Variants in PPP1R9A observed in about 807,000 individuals in gnomAD.
PPP1R9A encodes the protein protein phosphatase 1 regulatory subunit 9A, also known as neurabin-1.
Under a neutral mutation model 141.9 loss-of-function variants are expected in PPP1R9A, and 59 were observed. That is an observed-to-expected ratio of 0.42 (90% CI 0.34 to 0.52). The LOEUF is 0.52. Ranked by LOEUF, PPP1R9A falls within the 20% of genes least tolerant of loss-of-function variation. The probability of loss-of-function intolerance (pLI) is 0.10; values close to 1 mark genes in which losing one functional copy is unlikely to be tolerated. For synonymous variants in PPP1R9A, 500 were observed against 569.7 expected, an observed-to-expected ratio of 0.88 and a Z score of 1.74; for missense variants, 1,444 against 1,611.9, an observed-to-expected ratio of 0.90 and a Z score of 1.78.
intron 2 of PPP1R9A, among the ~76,000 whole-genome samples, chr7:94,986,341 T>C (rs990140933): frequency 1.3e-5 from 2 of 152,140 alleles, no homozygotes; most frequent in Non-Finnish European, 2.9e-5. Context: ...CATGCTTCTC[T>C]GCAACATGGA....
intron 2 of PPP1R9A, among the ~76,000 whole-genome samples, chr7:94,930,886 A>G (rs1350486112): frequency 6.6e-6 from 1 of 152,226 alleles, no homozygotes; most frequent in Non-Finnish European, 1.5e-5. Flanking sequence ...GCACAAGGTC[A>G]TGGCAGATTT....
At chr7:95,091,674 G>A (rs1275381451) in intron 2 of PPP1R9A, among the ~76,000 whole-genome samples, 6 of 151,864 alleles carry the variant, frequency 4.0e-5, no homozygotes, top group Middle Eastern at 3.4e-3. Flanking sequence ...AATTACTTAT[G>A]TAATTTAATT....
chr7:95,288,384 A>AT lies in PPP1R9A; in HGVS notation c.3730-146dup, dbSNP rs1054937425. 5 of 1,138,216 alleles carry AT rather than the reference A, an allele frequency of 4.4e-6. No homozygotes were observed. In the African/African-American group the frequency reaches 6.2e-5, roughly 14 times the overall value. 70.5% of individuals were successfully genotyped at this position (1,138,216 alleles called of 1,614,324 possible). A position where few individuals can be genotyped will look rare whatever the true frequency, so the allele number is the denominator to read the frequency against. On this transcript the variant is annotated intron_variant, in intron 18 of 19. Coordinates refer to ENST00000433360, the MANE Select transcript of PPP1R9A (RefSeq NM_001166160.2). ...ACATAAAAACATATAGGTAATAAGTATTTTTTCTAACACCACTAGAACCAT... is the reference window on the plus strand; with the variant it reads ...ACATAAAAACATATAGGTAATAAGTATTTTTTTCTAACACCACTAGAACCAT...
At chr7:95,138,496 C>T (rs369644412) in intron 4 of PPP1R9A, among the ~76,000 whole-genome samples, 10 of 152,080 alleles carry the variant, frequency 6.6e-5, no homozygotes, top group Middle Eastern at 3.4e-3. Context: ...ACACAAAGTA[C>T]GAACCATGAA....
Position 95,124,791 on chromosome 7 carries a change from GA to G in PPP1R9A, c.1649+3960del, listed in dbSNP as rs1012824264. ...ATACCTCCTTCAAGGAATGTTAAATGAGCAGACATGTATACATAGAAAGTTT... is the reference window on the plus strand; with the variant it reads ...ATACCTCCTTCAAGGAATGTTAAATGGCAGACATGTATACATAGAAAGTTT... On this transcript the variant is annotated intron_variant, in intron 4 of 19. Coordinates refer to ENST00000433360, the MANE Select transcript of PPP1R9A (RefSeq NM_001166160.2). Among the ~76,000 whole-genome samples, 5 of 152,072 alleles carry G rather than the reference GA, an allele frequency of 3.3e-5. 1 individual carries two copies. Among genetic ancestry groups the G allele is most frequent in the Admixed American group, 3.3e-4 (5 of 15,254 alleles).
At chr7:95,056,118 C>A (rs1479975684) in intron 2 of PPP1R9A, among the ~76,000 whole-genome samples, 1 of 152,048 alleles carries the variant, frequency 6.6e-6, no homozygotes, top group African/African-American at 2.4e-5. Flanking sequence ...TAATTTCTCA[C>A]TTTTACTTGT....
At chr7:95,114,408 T>C (rs965753435) in intron 3 of PPP1R9A, among the ~76,000 whole-genome samples, 2 of 152,166 alleles carry the variant, frequency 1.3e-5, no homozygotes, top group African/African-American at 4.8e-5. Context: ...ACACAATGTT[T>C]AGTATAATGG....
intron 2 of PPP1R9A, among the ~76,000 whole-genome samples, chr7:95,011,116 C>T (rs562886126): frequency 1.3e-5 from 2 of 152,258 alleles, no homozygotes; most frequent in East Asian, 3.9e-4. Flanking sequence ...CAGCATATTA[C>T]ATCCAAAATA....
At chr7:95,247,695 C>T (rs1798304940) in intron 9 of PPP1R9A, among the ~76,000 whole-genome samples, 169 bp downstream of exon 9, 1 of 152,142 alleles carries the variant, frequency 6.6e-6, no homozygotes, top group Non-Finnish European at 1.5e-5. Context: ...TGAGAGCAAA[C>T]ACCCACATCC....
At chr7:94,979,093 A>G (rs1799796867) in intron 2 of PPP1R9A, among the ~76,000 whole-genome samples, 1 of 152,206 alleles carries the variant, frequency 6.6e-6, no homozygotes, top group African/African-American at 2.4e-5. Context: ...TACCATGTCC[A>G]GCCAACATCA....
At chr7:95,223,550 C>T (rs192704604) in intron 7 of PPP1R9A, among the ~76,000 whole-genome samples, 147 of 152,060 alleles carry the variant, frequency 9.7e-4, no homozygotes, top group African/African-American at 3.1e-3. Flanking sequence ...TTGCTGAGAT[C>T]CTGTTATATG....
At chr7:94,941,704 G>T (rs945895022) in intron 2 of PPP1R9A, among the ~76,000 whole-genome samples, 1 of 151,912 alleles carries the variant, frequency 6.6e-6, no homozygotes, top group East Asian at 1.9e-4. Flanking sequence ...GCTGGCAAGT[G>T]TGGGAACCTA....
At chr7:95,257,677 C>A (rs960442200) in intron 12 of PPP1R9A, among the ~76,000 whole-genome samples, 1 of 152,062 alleles carries the variant, frequency 6.6e-6, no homozygotes, top group African/African-American at 2.4e-5. Context: ...TCCCCCCACC[C>A]CACAACAGGC....
chr7:95,076,162 G>A (rs1196884772), intron 2 of PPP1R9A, among the ~76,000 whole-genome samples: 2 of 151,956 alleles, frequency 1.3e-5, no homozygotes, highest in East Asian at 3.9e-4. Flanking sequence ...CTTGGCCTCC[G>A]AAAGTGCTGG....
chr7:95,215,985 C>A (rs1450828682), intron 7 of PPP1R9A, among the ~76,000 whole-genome samples: 1 of 152,128 alleles, frequency 6.6e-6, no homozygotes, highest in African/African-American at 2.4e-5. Flanking sequence ...AATTAGATCC[C>A]ATTTGTCAAT....
intron 16 of PPP1R9A, among the ~76,000 whole-genome samples, chr7:95,277,691 T>TG (rs1251752451): frequency 1.3e-5 from 2 of 152,186 alleles, no homozygotes; most frequent in Non-Finnish European, 2.9e-5. Flanking sequence ...CTTCCCAAAG[T>TG]GCTGGGATTA....
chr7:94,969,271 A>C (rs1028083518), intron 2 of PPP1R9A, among the ~76,000 whole-genome samples: 1 of 152,034 alleles, frequency 6.6e-6, no homozygotes, highest in East Asian at 1.9e-4. Context: ...GTTTTTCCTC[A>C]TCTTTGTGGA....
intron 2 of PPP1R9A, among the ~76,000 whole-genome samples, chr7:95,099,153 A>G (rs181077150): frequency 1.2e-4 from 18 of 152,368 alleles, no homozygotes; most frequent in Admixed American, 3.9e-4. Flanking sequence ...CTGCTGAGAC[A>G]CATGCTAGAA....
intron 4 of PPP1R9A, among the ~76,000 whole-genome samples, chr7:95,148,056 G>A (rs376910601): frequency 2.2e-4 from 34 of 152,190 alleles, no homozygotes; most frequent in African/African-American, 7.2e-4. Context: ...TAAAAGCAGC[G>A]CTTTGAGGGA....
Sources: allele counts gnomAD v4.1 joint callset (sites outside exome capture counted in the v4.1 genomes callset), GRCh38; gene constraint gnomAD v4.1.1; transcripts MANE v1.5; gene names NCBI Gene and HGNC (gene_info 2026-07-23, HGNC 2026-07-21).